Variants in KCNH8 observed in about 807,000 individuals in gnomAD.
KCNH8 encodes the protein potassium voltage-gated channel subfamily H member 8, also known as voltage-gated delayed rectifier potassium channel KCNH8.
KCNH8 carries 70 observed loss-of-function variants against 103.6 expected under a neutral mutation model. The ratio of observed to expected loss-of-function variants is 0.68; its 90% CI spans 0.56 to 0.82. The LOEUF is 0.82. Among genes scored for constraint, KCNH8 ranks in the 40% least tolerant of loss-of-function variants. The pLI is 0.00. For synonymous variants in KCNH8, 498 were observed against 489.4 expected, an observed-to-expected ratio of 1.02 and a Z score of -0.23; for missense variants, 1,217 against 1,329.9, an observed-to-expected ratio of 0.92 and a Z score of 1.32.
intron 3 of KCNH8, 89 bp from the exon 4 acceptor site, chr3:19,342,498 A>G (rs2065674145): frequency 4.5e-6 from 6 of 1,327,730 alleles, no homozygotes; most frequent in Middle Eastern, 2.0e-4. Context: ...AACATGTACA[A>G]TATGCTCTTG....
At chr3:19,314,130 A>C (rs534398683) in intron 3 of KCNH8, among the ~76,000 whole-genome samples, 2 of 152,004 alleles carry the variant, frequency 1.3e-5, no homozygotes, top group Non-Finnish European at 2.9e-5. Context: ...TTTGGTTCTC[A>C]AATAGGAATA....
At chr3:19,197,993 C>T (rs1264263923) in intron 1 of KCNH8, among the ~76,000 whole-genome samples, 1 of 152,022 alleles carries the variant, frequency 6.6e-6, no homozygotes, top group Non-Finnish European at 1.5e-5. Flanking sequence ...AGTGTTTAAA[C>T]AGTTTGCAGC....
At chr3:19,264,514 C>G (rs1048625803) in intron 2 of KCNH8, among the ~76,000 whole-genome samples, 2 of 152,020 alleles carry the variant, frequency 1.3e-5, no homozygotes, top group African/African-American at 4.8e-5. Flanking sequence ...GCTCTGCAGC[C>G]AGAATGATGA....
intron 2 of KCNH8, among the ~76,000 whole-genome samples, chr3:19,267,835 G>C (rs2064533972): frequency 6.6e-6 from 1 of 152,006 alleles, no homozygotes; most frequent in Non-Finnish European, 1.5e-5. Context: ...ATGTGATTTT[G>C]AGCAATTAAC....
At chr3:19,149,404 A>G (rs1253025549) in intron 1 of KCNH8, among the ~76,000 whole-genome samples, 2 of 152,142 alleles carry the variant, frequency 1.3e-5, no homozygotes, top group Non-Finnish European at 2.9e-5. Context: ...CTGTTCAGGA[A>G]GAAGGACATG....
chr3:19,166,420 G>A (rs113813131), intron 1 of KCNH8, among the ~76,000 whole-genome samples: 10 of 152,266 alleles, frequency 6.6e-5, no homozygotes, highest in South Asian at 2.1e-4. Flanking sequence ...ATAATGCTTT[G>A]CACAGTCAGC....
intron 1 of KCNH8, among the ~76,000 whole-genome samples, chr3:19,205,965 T>C (rs1447106379): frequency 6.6e-6 from 1 of 151,724 alleles, no homozygotes; most frequent in African/African-American, 2.4e-5. Context: ...TCACGCCCTT[T>C]CCACCCTTTC....
chr3:19,207,733 G>T (rs983068318), intron 1 of KCNH8, among the ~76,000 whole-genome samples: 4 of 151,916 alleles, frequency 2.6e-5, no homozygotes, highest in Non-Finnish European at 5.9e-5. Context: ...AGTGCAATGT[G>T]TAATTGGACT....
chr3:19,289,281 T>G (rs1405404568), intron 3 of KCNH8, among the ~76,000 whole-genome samples: 2 of 152,264 alleles, frequency 1.3e-5, no homozygotes, highest in East Asian at 1.9e-4. Context: ...TTTTGGTGTT[T>G]TAGACATGAA....
At chr3:19,310,613 G>A (rs1244756339) in intron 3 of KCNH8, among the ~76,000 whole-genome samples, 2 of 151,796 alleles carry the variant, frequency 1.3e-5, no homozygotes, top group Non-Finnish European at 2.9e-5. Flanking sequence ...TAAGGTAAGA[G>A]GCTTTTAAAA....
chr3:19,388,487 C>T (rs935853883), intron 5 of KCNH8, among the ~76,000 whole-genome samples: 6 of 152,070 alleles, frequency 3.9e-5, no homozygotes, highest in Admixed American at 2.0e-4. Context: ...CGTGGTCCAT[C>T]TTTGCCACGA....
At position 19,477,919 on chromosome 3, in the gene KCNH8, C is replaced by T. The variant is rs138955706; in HGVS notation, c.2040+20937C>T. ...AATAAGTAATTTTTCAACCCTGACC[C>T]CCTGGCACCCTTTTTTCATCTCCAA... On this transcript the variant is annotated intron_variant, in intron 11 of 15. Coordinates refer to ENST00000328405, the MANE Select transcript of KCNH8 (RefSeq NM_144633.3). Among the ~76,000 whole-genome samples, 23 of 151,344 alleles carry T rather than the reference C, an allele frequency of 1.5e-4. No individual in the cohort carries two copies. The East Asian group carries it at 4.4e-3, about 29-fold the overall frequency.
At chr3:19,217,083 G>A (rs112184899) in intron 1 of KCNH8, among the ~76,000 whole-genome samples, 2 of 152,162 alleles carry the variant, frequency 1.3e-5, no homozygotes, top group Non-Finnish European at 2.9e-5. Context: ...AAAGATTAAA[G>A]GAGGCATTCA....
intron 2 of KCNH8, among the ~76,000 whole-genome samples, chr3:19,266,675 GAATA>G (rs971206527): frequency 2.0e-5 from 3 of 152,212 alleles, no homozygotes; most frequent in East Asian, 3.9e-4. Context: ...ATGGGCGAAT[GAATA>G]AATAGTTTTT....
intron 3 of KCNH8, among the ~76,000 whole-genome samples, chr3:19,306,666 G>T (rs2065134517): frequency 6.6e-6 from 1 of 152,082 alleles, no homozygotes; most frequent in African/African-American, 2.4e-5. Flanking sequence ...GAGGCAAATT[G>T]GTGGAGAGAA....
At chr3:19,246,262 T>G (rs530010694) in intron 1 of KCNH8, among the ~76,000 whole-genome samples, 76 of 145,930 alleles carry the variant, frequency 5.2e-4, no homozygotes, top group South Asian at 4.7e-3. Flanking sequence ...AAGAAGTTTT[T>G]TTGTTGTTGT....
chr3:19,333,428 A>G (rs771089240), intron 3 of KCNH8, among the ~76,000 whole-genome samples: 4 of 152,198 alleles, frequency 2.6e-5, no homozygotes, highest in Non-Finnish European at 4.4e-5. Context: ...GTAAGAATAC[A>G]AAGCTGACCA....
intron 1 of KCNH8, among the ~76,000 whole-genome samples, chr3:19,203,194 G>A (rs551803097): frequency 1.3e-5 from 2 of 152,070 alleles, no homozygotes; most frequent in Non-Finnish European, 2.9e-5. Flanking sequence ...TAATTTGAAA[G>A]TTTATAATTG....
intron 5 of KCNH8, among the ~76,000 whole-genome samples, chr3:19,362,520 A>G (rs2065960064): frequency 6.6e-6 from 1 of 152,158 alleles, no homozygotes; most frequent in Admixed American, 6.5e-5. Flanking sequence ...TGCATTTAGA[A>G]GAGGGTCAGG....
Sources: allele counts gnomAD v4.1 joint callset (sites outside exome capture counted in the v4.1 genomes callset), GRCh38; gene constraint gnomAD v4.1.1; transcripts MANE v1.5; gene names NCBI Gene and HGNC (gene_info 2026-07-23, HGNC 2026-07-21).